Variants in SINHCAF observed in about 807,000 individuals in gnomAD.
SINHCAF encodes the protein SIN3-HDAC complex associated factor, also known as SIN3-HDAC complex-associated factor.
Under a neutral mutation model 25.8 loss-of-function variants are expected in SINHCAF, and 3 were observed. The ratio of observed to expected loss-of-function variants is 0.12; its 90% CI spans 0.05 to 0.30. The LOEUF (loss-of-function observed/expected upper bound fraction) is 0.30, where lower values mean the gene tolerates loss of function less well. Ranked by LOEUF, SINHCAF falls within the 10% of genes least tolerant of loss-of-function variation. The pLI is 1.00. For missense variants in SINHCAF, 121 were observed against 262.3 expected (o/e 0.46, Z 3.72); for synonymous variants, 70 against 85.5 (o/e 0.82, Z 1.00).
intron 1 of SINHCAF, chr12:31,311,781 A>G (rs1565501837): frequency 2.6e-5 from 13 of 499,018 alleles, no homozygotes; most frequent in East Asian, 4.8e-5. Flanking sequence ...AGCCTAACCC[A>G]AAGACTGTGG....
chr12:31,287,187 A>T (rs1938116398), intron 5 of SINHCAF, among the ~76,000 whole-genome samples: 1 of 152,106 alleles, frequency 6.6e-6, no homozygotes, highest in Non-Finnish European at 1.5e-5. Context: ...TGTATGTTCA[A>T]ATTTATTGGC....
intron 4 of SINHCAF, among the ~76,000 whole-genome samples, chr12:31,288,654 C>A (rs1206881720): frequency 2.6e-5 from 4 of 152,064 alleles, no homozygotes; most frequent in African/African-American, 9.7e-5. Flanking sequence ...TGGTGAGGCC[C>A]CTCCCTCTTT....
At chr12:31,286,941 A>AG (rs1255132617) in intron 5 of SINHCAF, among the ~76,000 whole-genome samples, 1 of 152,122 alleles carries the variant, frequency 6.6e-6, no homozygotes, top group Non-Finnish European at 1.5e-5. Flanking sequence ...TTTTTTAAAT[A>AG]GAGTCTTGCT....
At chr12:31,289,628 A>C (rs1938220458) in intron 4 of SINHCAF, among the ~76,000 whole-genome samples, 1 of 152,206 alleles carries the variant, frequency 6.6e-6, no homozygotes, top group Admixed American at 6.5e-5. Flanking sequence ...GAGCAGTATC[A>C]TAAACCTCAT....
chr12:31,296,858 A>C, intron 2 of SINHCAF: 1 of 295,726 alleles, frequency 3.4e-6, no homozygotes, highest in Non-Finnish European at 6.8e-6. Flanking sequence ...TCTGTCTCAA[A>C]CAAACCAACA....
chr12:31,296,771 C>T (rs1403361913), intron 2 of SINHCAF: 1 of 178,546 alleles, frequency 5.6e-6, no homozygotes, highest in Non-Finnish European at 1.2e-5. Flanking sequence ...GGGAGGCTCA[C>T]CTGAGGCCAG....
chr12:31,321,625 TATAAG>T (rs1939696618), intron 1 of SINHCAF, among the ~76,000 whole-genome samples: 1 of 152,204 alleles, frequency 6.6e-6, no homozygotes, highest in African/African-American at 2.4e-5. Context: ...ACAAAGTGAC[TATAAG>T]ATGATGACAG....
chr12:31,308,071 C>T (rs1939108521), intron 1 of SINHCAF, among the ~76,000 whole-genome samples: 1 of 152,206 alleles, frequency 6.6e-6, no homozygotes, highest in South Asian at 2.1e-4. Context: ...TCCCATGTAA[C>T]TGGGACTACA....
intron 2 of SINHCAF, chr12:31,297,078 C>T (rs1387448605): frequency 2.5e-6 from 1 of 398,220 alleles, no homozygotes; most frequent in African/African-American, 2.1e-5. Context: ...GAATGATTTC[C>T]CATGTTAGAA....
intron 1 of SINHCAF, among the ~76,000 whole-genome samples, chr12:31,313,229 A>C (rs1265210945): frequency 3.3e-5 from 5 of 151,808 alleles, no homozygotes; most frequent in Admixed American, 3.3e-4. Flanking sequence ...GTTTCACCAT[A>C]TTGGCCAGGC....
At chr12:31,317,344 C>A (rs80286767) in intron 1 of SINHCAF, among the ~76,000 whole-genome samples, 22,356 of 146,960 alleles carry the variant, frequency 0.15, 2,211 homozygotes, top group Non-Finnish European at 0.23. Context: ...TCTTTAAAAA[C>A]AAAAAAAAAA....
rs1022133789 is a variant in SINHCAF, at chr12:31,293,693, G to C, written c.355+112C>G. The C allele has an allele frequency of 3.2e-5, 29 of 904,006 alleles. 2 individuals carry two copies. The South Asian group carries it at 5.5e-4, about 17-fold the overall frequency. The allele number at this position is 904,006 out of a possible 1,614,324, so 56.0% of individuals were successfully genotyped here. A position where few individuals can be genotyped will look rare whatever the true frequency, so the allele number is the denominator to read the frequency against. The stretch of plus-strand genomic sequence containing the variant: ...TACCAAGTCAACGTTGCCTTCCAGT[G>C]CTCTTTATAAAAAGCAATAAAGGAA... On this transcript the variant is annotated intron_variant, in intron 4 of 5. Coordinates refer to ENST00000337682, the MANE Select transcript of SINHCAF (RefSeq NM_001135812.2).
intron 3 of SINHCAF, among the ~76,000 whole-genome samples, chr12:31,294,448 G>A (rs889228180): frequency 4.6e-5 from 7 of 152,118 alleles, no homozygotes; most frequent in African/African-American, 1.7e-4. Flanking sequence ...TTGGAATCAA[G>A]GTCTTCAGGC....
intron 1 of SINHCAF, chr12:31,304,273 T>C (rs1413261034): frequency 1.3e-5 from 2 of 152,224 alleles, no homozygotes; most frequent in Admixed American, 6.5e-5. Flanking sequence ...AATAGGTAAG[T>C]TGTTTAAAAC....
At chr12:31,310,477 T>A (rs147457294) in intron 1 of SINHCAF, among the ~76,000 whole-genome samples, 1 of 152,318 alleles carries the variant, frequency 6.6e-6, no homozygotes, top group African/African-American at 2.4e-5. Context: ...TTAAAATGCC[T>A]AGTTTCTTGT....
Position 31,324,140 on chromosome 12 carries a change from T to C in SINHCAF, c.-21+1884A>G. The stretch of plus-strand genomic sequence containing the variant: ...GTGAACCGCGTCGCTCGCCGCCACC[T>C]CCCTCACCTGCGCCGGAACAACGGG... On this transcript the variant is annotated intron_variant, in intron 1 of 5. Coordinates refer to ENST00000337682, the MANE Select transcript of SINHCAF (RefSeq NM_001135812.2). This position sits in a 1 kb window ranked among gnomAD's most constrained non-coding sequence, Gnocchi z 5.5. 2.3e-6 allele frequency: 1 copy of C among 437,432 alleles called. No individual in the cohort carries two copies. The allele number at this position is 437,432 out of a possible 1,614,324, so 27.1% of individuals were successfully genotyped here. A position where few individuals can be genotyped will look rare whatever the true frequency, so the allele number is the denominator to read the frequency against.
At chr12:31,285,756 A>T (rs1938035492) in intron 5 of SINHCAF, among the ~76,000 whole-genome samples, 1 of 152,132 alleles carries the variant, frequency 6.6e-6, no homozygotes, top group Admixed American at 6.5e-5. Flanking sequence ...CAGGCAGATC[A>T]CTTGAAGCTA....
chr12:31,288,713 A>G (rs1004281332), intron 4 of SINHCAF, among the ~76,000 whole-genome samples: 1 of 152,234 alleles, frequency 6.6e-6, no homozygotes, highest in South Asian at 2.1e-4. Flanking sequence ...GAAGGGTTAA[A>G]TAAGACCCAG....
chr12:31,283,757 C>G (rs375026862), intron 5 of SINHCAF, among the ~76,000 whole-genome samples: 3 of 151,790 alleles, frequency 2.0e-5, no homozygotes, highest in African/African-American at 7.3e-5. Context: ...TCATCTCATC[C>G]TCTCCCCACT....
Sources: gnomAD v4.1 joint callset for allele counts (sites outside exome capture counted in the v4.1 genomes callset) on GRCh38, gnomAD v4.1.1 for gene constraint, Gnocchi (gnomAD v3.1) non-coding constraint, MANE v1.5 for transcripts, NCBI Gene and HGNC (gene_info 2026-07-23, HGNC 2026-07-21) for gene names.